PHKA2: variants seen among roughly 807,000 people sequenced by gnomAD.
PHKA2 encodes phosphorylase kinase regulatory subunit alpha 2.
PHKA2 carries 31 observed loss-of-function variants against 102.0 expected under a neutral mutation model. The ratio of observed to expected loss-of-function variants is 0.30; its 90% confidence interval spans 0.23 to 0.41. The LOEUF (loss-of-function observed/expected upper bound fraction) is 0.41, where lower values mean the gene tolerates loss of function less well. Ranked by LOEUF, PHKA2 falls within the 10% of genes least tolerant of loss-of-function variation. PHKA2 has a pLI of 1.00. For missense variants in PHKA2, 858 were observed against 1,023.1 expected, an observed-to-expected ratio of 0.84 and a Z score of 2.20; for synonymous variants, 455 against 416.2, an observed-to-expected ratio of 1.09 and a Z score of -1.13.
intron 1 of PHKA2, among the ~76,000 whole-genome samples, chrX:18,968,801 C>T (rs2048979892): frequency 8.9e-6 from 1 of 112,431 alleles, no homozygotes; most frequent in Non-Finnish European, 1.9e-5. Flanking sequence ...GTCAAGCTCA[C>T]AGTGACTCAC....
intron 26 of PHKA2, among the ~76,000 whole-genome samples, chrX:18,903,804 G>A (rs1341665229): frequency 2.7e-5 from 3 of 112,120 alleles, no homozygotes; most frequent in Non-Finnish European, 3.8e-5. Context: ...CTGTGCTGTG[G>A]TAACAGCAAT....
chrX:18,983,483 GCTT>G (rs2049208976), intron 1 of PHKA2, among the ~76,000 whole-genome samples: 1 of 112,399 alleles, frequency 8.9e-6, no homozygotes, highest in Non-Finnish European at 1.9e-5. Context: ...AACTTCAGGA[GCTT>G]CTTCACTCCT....
At chrX:18,958,957 G>A (rs931237405) in intron 1 of PHKA2, among the ~76,000 whole-genome samples, 14 of 112,009 alleles carry the variant, frequency 1.2e-4, no homozygotes, top group Admixed American at 9.4e-4. Flanking sequence ...TGATCCACCC[G>A]ACTTGGCCTC....
At chrX:18,936,380 C>G (rs2048394649) in intron 10 of PHKA2, among the ~76,000 whole-genome samples, 1 of 112,037 alleles carries the variant, frequency 8.9e-6, no homozygotes, top group Middle Eastern at 4.6e-3. Flanking sequence ...AAGCTCAGCC[C>G]TGCCTGTCTT....
intron 1 of PHKA2, among the ~76,000 whole-genome samples, chrX:18,979,093 G>A (rs1360241002): frequency 4.5e-5 from 5 of 110,534 alleles, no homozygotes; most frequent in Non-Finnish European, 9.5e-5. Context: ...GTGAGATCAT[G>A]CCACCGCACT....
Position 18,892,818 on chromosome X carries a change from A to G in PHKA2, c.*667T>C, listed in dbSNP as rs1225631495. 1 of 110,376 alleles carries G rather than the reference A, an allele frequency of 9.1e-6. No individual in the cohort carries two copies. The highest frequency in any genetic ancestry group is 3.3e-5 in the African/African-American group (1 of 29,931). The allele number at this position is 110,376 out of a possible 1,213,427, so 9.1% of individuals were successfully genotyped here. A position where few individuals can be genotyped will look rare whatever the true frequency, so the allele number is the denominator to read the frequency against. On this transcript the variant is annotated 3_prime_UTR_variant, in exon 33 of 33. Transcript: ENST00000379942. ...GGCAGGAGAAAACCCTAGTTCATAGACAGCCAGGATAAAAACCCTGGAAGA... is the reference window on the plus strand; with the variant it reads ...GGCAGGAGAAAACCCTAGTTCATAGGCAGCCAGGATAAAAACCCTGGAAGA...
chrX:18,979,175 C>T (rs181807695), intron 1 of PHKA2, among the ~76,000 whole-genome samples: 1 of 111,703 alleles, frequency 9.0e-6, no homozygotes, highest in East Asian at 2.8e-4. Flanking sequence ...AAAACACTTT[C>T]ACTCCAGTCT....
intron 28 of PHKA2, among the ~76,000 whole-genome samples, 171 bp from the exon 29 acceptor site, chrX:18,899,397 C>T (rs1041587636): frequency 6.2e-5 from 7 of 112,496 alleles, no homozygotes; most frequent in African/African-American, 2.3e-4. Context: ...TGCAGGGGCA[C>T]CTGCAAGCAC....
intron 1 of PHKA2, among the ~76,000 whole-genome samples, chrX:18,964,130 A>G (rs1233528272): frequency 9.0e-6 from 1 of 111,226 alleles, no homozygotes; most frequent in Non-Finnish European, 1.9e-5. Context: ...CAGCCTGATC[A>G]CCTGATCACC....
At chrX:18,895,367 C>T (rs1196609708) in intron 30 of PHKA2, 176 bp from the exon 31 acceptor site, 1 of 493,692 alleles carries the variant, frequency 2.0e-6, no homozygotes, top group Non-Finnish European at 3.6e-6. Context: ...TGCCCACAGG[C>T]TGTGTTTTCG....
chrX:18,951,419 G>A (rs770962665), intron 3 of PHKA2, 147 bp from the exon 4 acceptor site: 5 of 583,427 alleles, frequency 8.6e-6, no homozygotes, highest in East Asian at 3.5e-5. Context: ...AGGCAGCACC[G>A]CACAGAGGGA....
intron 17 of PHKA2, among the ~76,000 whole-genome samples, chrX:18,922,345 T>C (rs2048137252): frequency 8.9e-6 from 1 of 112,077 alleles, no homozygotes; most frequent in Non-Finnish European, 1.9e-5. Flanking sequence ...TGAAGCAAAT[T>C]GGAGGTAAAA....
At chrX:18,941,362 T>C (rs893810535) in intron 8 of PHKA2, among the ~76,000 whole-genome samples, 167 bp downstream of exon 8, 11 of 111,687 alleles carry the variant, frequency 9.8e-5, no homozygotes, top group Non-Finnish European at 1.9e-4. Context: ...ACCAAGCCAC[T>C]AAATCACTCG....
In PHKA2 at chrX:18,954,308, G is replaced by T; in HGVS notation, c.183C>A (p.Tyr61Ter). 1 of 1,211,557 alleles carries T rather than the reference G, an allele frequency of 8.3e-7. No individual in the cohort carries two copies. Among genetic ancestry groups the T allele is most frequent in the Non-Finnish European group, 1.1e-6 (1 of 895,157 alleles). The change falls in exon 2 of 33, where the codon TAC becomes TAA. Residue 61 changes from tyrosine (Y) to a stop codon, truncating the protein, a stop_gained. Transcript: ENST00000379942. LOFTEE classifies it high-confidence loss of function. Reference sequence around the variant, plus strand: ...CCTCATCGCGGTCTGCATTCTTACGGTAGGCCATGCCCAGGCCCCACACGG... The same window carrying T: ...CCTCATCGCGGTCTGCATTCTTACGTTAGGCCATGCCCAGGCCCCACACGG... Reference protein sequence around the residue: ...ILAVWGLGMAYRKNADRDEDK... With the variant: ...ILAVWGLGMA
At position 18,917,394 on chromosome X, in the gene PHKA2, G is replaced by A. The variant is rs897928372; in HGVS notation, c.2137+1287C>T. Reference sequence around the variant, plus strand: ...CTGCCTCAGCCTCCTGAGTAGCTGGGATTACAGGTGCAGGCCACCAAACCT... The same window carrying A: ...CTGCCTCAGCCTCCTGAGTAGCTGGAATTACAGGTGCAGGCCACCAAACCT... On this transcript the variant is annotated intron_variant, in intron 19 of 32. Transcript: ENST00000379942. Among the ~76,000 whole-genome samples the A allele has an allele frequency of 2.8e-5, 3 of 108,892 alleles. No homozygotes were observed. In the Admixed American group the frequency reaches 3.0e-4, roughly 11 times the overall value. 94.6% of individuals were successfully genotyped at this position (108,892 alleles called of 115,157 possible). A position where few individuals can be genotyped will look rare whatever the true frequency, so the allele number is the denominator to read the frequency against.
At chrX:18,896,460 C>CTGGCTGAGGGGAG (rs2047557434) in intron 30 of PHKA2, 1 of 113,518 alleles carries the variant, frequency 8.8e-6, no homozygotes, top group Admixed American at 9.2e-5. Flanking sequence ...CAACAGCCGG[C>CTGGCTGAGGGGAG]TGGCTGAGGG....
At chrX:18,961,981 A>T (rs1007456762) in intron 1 of PHKA2, among the ~76,000 whole-genome samples, 1 of 111,418 alleles carries the variant, frequency 9.0e-6, no homozygotes. Flanking sequence ...GTCAGGGTGC[A>T]GTGGTGGAAG....
chrX:18,921,017 A>G (rs1405607818), intron 17 of PHKA2, among the ~76,000 whole-genome samples: 1 of 111,916 alleles, frequency 8.9e-6, no homozygotes, highest in Non-Finnish European at 1.9e-5. Flanking sequence ...CCAGAGCTTC[A>G]GCCTCAAAAG....
At chrX:18,974,566 G>C (rs943415424) in intron 1 of PHKA2, among the ~76,000 whole-genome samples, 7 of 111,623 alleles carry the variant, frequency 6.3e-5, no homozygotes, top group Non-Finnish European at 1.3e-4. Context: ...CTAAACAACA[G>C]AAATATATTT....
Sources: gnomAD v4.1 joint callset for allele counts (sites outside exome capture counted in the v4.1 genomes callset) on GRCh38, gnomAD v4.1.1 for gene constraint, MANE v1.5 for transcripts, NCBI Gene and HGNC (gene_info 2026-07-23, HGNC 2026-07-21) for gene names.